Variants in COBL observed in about 807,000 individuals in gnomAD.
The protein encoded by COBL is protein cordon-bleu.
A neutral mutation model predicts 98.8 loss-of-function variants in COBL; 51 were observed. That is an observed-to-expected ratio of 0.52 (90% CI 0.41 to 0.65). The LOEUF (loss-of-function observed/expected upper bound fraction) is 0.65. Among genes scored for constraint, COBL ranks in the 30% least tolerant of loss-of-function variants. COBL has a pLI of 0.00. For missense variants in COBL, 1,617 were observed against 1,617.5 expected, an observed-to-expected ratio of 1.00 and a Z score of 0.01; for synonymous variants, 634 against 651.7, an observed-to-expected ratio of 0.97 and a Z score of 0.41.
At chr7:51,032,954 C>T (rs1310042468) in intron 8 of COBL, 1 of 152,098 alleles carries the variant, frequency 6.6e-6, no homozygotes, top group East Asian at 1.9e-4. Context: ...ATGCTTAAAG[C>T]CCAGCCAAAC....
intron 5 of COBL, among the ~76,000 whole-genome samples, chr7:51,154,382 T>C (rs765703119): frequency 2.0e-5 from 3 of 152,186 alleles, no homozygotes; most frequent in Non-Finnish European, 2.9e-5. Flanking sequence ...CAAAGGGGCT[T>C]TGAGAGGCTT....
intron 6 of COBL, among the ~76,000 whole-genome samples, chr7:51,101,252 T>G (rs1235167253): frequency 6.6e-6 from 1 of 152,194 alleles, no homozygotes; most frequent in African/African-American, 2.4e-5. Context: ...TAATGGGAGT[T>G]TGTGTTAGTT....
At chr7:51,056,876 C>A (rs898760975) in intron 7 of COBL, among the ~76,000 whole-genome samples, 1 of 150,708 alleles carries the variant, frequency 6.6e-6, no homozygotes, top group Non-Finnish European at 1.5e-5. Context: ...AGTAGTCCCT[C>A]CTTGTTGGAG....
chr7:51,017,589 C>G (rs1786396780), intron 12 of COBL, 21 bp from the exon 13 acceptor site: 1 of 1,613,700 alleles, frequency 6.2e-7, no homozygotes, highest in Admixed American at 1.7e-5. Flanking sequence ...GAGAGATTCA[C>G]AGTTATTTGG....
intron 1 of COBL, among the ~76,000 whole-genome samples, chr7:51,278,420 G>A (rs1488615160): frequency 6.2e-5 from 8 of 128,458 alleles, no homozygotes; most frequent in Middle Eastern, 5.5e-3. Flanking sequence ...TCACTCTGTC[G>A]CCAGGCTGGA....
At chr7:51,071,921 A>G (rs917548039) in intron 7 of COBL, 1 of 152,038 alleles carries the variant, frequency 6.6e-6, no homozygotes, top group African/African-American at 2.4e-5. Flanking sequence ...AAAAAAAAAA[A>G]AGGCCCTTTC....
chr7:51,061,956 C>CACACACACACACAT (rs1554364744), intron 7 of COBL, among the ~76,000 whole-genome samples: 6 of 42,782 alleles, frequency 1.4e-4, no homozygotes, highest in Non-Finnish European at 3.5e-4. Context: ...TAGATACACA[C>CACACACACACACAT]ACACACACAC....
At chr7:51,088,341 T>G (rs1407989661) in intron 6 of COBL, among the ~76,000 whole-genome samples, 1 of 105,140 alleles carries the variant, frequency 9.5e-6, no homozygotes. Context: ...TTTTCTGATT[T>G]CCCCCCCTCT....
chr7:51,107,540 T>C (rs1395430511), intron 6 of COBL, among the ~76,000 whole-genome samples: 3 of 150,564 alleles, frequency 2.0e-5, no homozygotes, highest in Non-Finnish European at 4.4e-5. Context: ...TCTGCTAAAA[T>C]TGTTTTAGCT....
chr7:51,270,759 T>C (rs923030877), intron 1 of COBL, among the ~76,000 whole-genome samples: 2 of 152,060 alleles, frequency 1.3e-5, no homozygotes, highest in Non-Finnish European at 2.9e-5. Flanking sequence ...TTTTTCAAAA[T>C]TGACTTGATG....
chr7:51,018,937 T>A (rs181142510), intron 12 of COBL, among the ~76,000 whole-genome samples: 1,224 of 82,598 alleles, frequency 0.015, 170 homozygotes, highest in South Asian at 0.057. Context: ...TATATATATA[T>A]ATATATATAT....
intron 7 of COBL, chr7:51,065,425 A>G: frequency 1.4e-6 from 1 of 702,364 alleles, no homozygotes; most frequent in Non-Finnish European, 2.6e-6. Context: ...CAGAAGTCTT[A>G]TCACAGCTTC....
At chr7:51,041,268 A>G (rs1460880774) in intron 8 of COBL, among the ~76,000 whole-genome samples, 1 of 152,184 alleles carries the variant, frequency 6.6e-6, no homozygotes, top group Non-Finnish European at 1.5e-5. Context: ...GATGTGTATA[A>G]CAACATGGGG....
rs558818897 is a variant in COBL, at chr7:51,125,727, T to C, written c.957+10431A>G. On this transcript the variant is annotated intron_variant, in intron 6 of 12. Coordinates refer to ENST00000265136, the MANE Select transcript of COBL (RefSeq NM_015198.5). ...ACTGCCACGTGGCACTTTCCCCACA[T>C]ATTCATAGCTCTCTTGCCCCAATAT... 2.0e-5 allele frequency among the ~76,000 whole-genome samples: 3 copies of C among 152,270 alleles called. No individual in the cohort carries two copies. The East Asian group carries it at 5.8e-4, about 30-fold the overall frequency.
At chr7:51,159,097 CG>C (rs1268893180) in intron 5 of COBL, among the ~76,000 whole-genome samples, 1 of 152,122 alleles carries the variant, frequency 6.6e-6, no homozygotes, top group Non-Finnish European at 1.5e-5. Flanking sequence ...AGGAGGGCAG[CG>C]GGGGCGGCGT....
At chr7:51,046,199 G>A (rs1454083099) in intron 7 of COBL, among the ~76,000 whole-genome samples, 11 of 152,170 alleles carry the variant, frequency 7.2e-5, no homozygotes, top group African/African-American at 2.2e-4. Context: ...GGTGGGACCC[G>A]TCCAGGAAAG....
chr7:51,313,795 A>C (rs535975111), intron 1 of COBL, among the ~76,000 whole-genome samples: 1 of 152,254 alleles, frequency 6.6e-6, no homozygotes, highest in Admixed American at 6.5e-5. Context: ...GTAAACAGAT[A>C]AAGTAGAGAG....
intron 6 of COBL, among the ~76,000 whole-genome samples, chr7:51,125,915 T>C (rs1009132212): frequency 5.9e-5 from 9 of 152,232 alleles, no homozygotes; most frequent in African/African-American, 2.2e-4. Flanking sequence ...AGTGAATCTT[T>C]CCATTTTTCA....
intron 2 of COBL, among the ~76,000 whole-genome samples, chr7:51,205,818 A>G (rs1341345857): frequency 1.3e-5 from 2 of 152,162 alleles, no homozygotes; most frequent in African/African-American, 4.8e-5. Flanking sequence ...CACATATCCA[A>G]TTAAGGGGTT....
Sources: gnomAD v4.1 joint callset for allele counts (sites outside exome capture counted in the v4.1 genomes callset) on GRCh38, gnomAD v4.1.1 for gene constraint, MANE v1.5 for transcripts, NCBI Gene and HGNC (gene_info 2026-07-23, HGNC 2026-07-21) for gene names.